EIF3K: variants seen among roughly 807,000 people sequenced by gnomAD.
EIF3K encodes the protein eIF-3 p28.
EIF3K carries 27 observed loss-of-function variants against 34.2 expected under a neutral mutation model. That is an observed-to-expected ratio of 0.79 (90% CI 0.58 to 1.09). EIF3K has a LOEUF of 1.09. Ranked by LOEUF, EIF3K falls within the 50% of genes least tolerant of loss-of-function variation. The probability of loss-of-function intolerance (pLI) is 0.00; values close to 1 mark genes in which losing one functional copy is unlikely to be tolerated. For missense variants in EIF3K, 232 were observed against 275.4 expected (o/e 0.84, Z 1.11); for synonymous variants, 105 against 105.7 (o/e 0.99, Z 0.04).
intron 6 of EIF3K, among the ~76,000 whole-genome samples, chr19:38,633,091 A>AGGTAGTGCAGAGGAGGAT (rs1443896938): frequency 6.6e-6 from 1 of 152,172 alleles, no homozygotes; most frequent in Non-Finnish European, 1.5e-5. Context: ...CCGTGGCCTG[A>AGGTAGTGCAGAGGAGGAT]GGTAGTGCAG....
At chr19:38,627,096 C>T (rs372504977) in intron 4 of EIF3K, among the ~76,000 whole-genome samples, 11 of 152,146 alleles carry the variant, frequency 7.2e-5, no homozygotes, top group Non-Finnish European at 1.6e-4. Flanking sequence ...AACTGATTCT[C>T]GTGCCTCAGC....
intron 4 of EIF3K, among the ~76,000 whole-genome samples, chr19:38,627,105 G>A (rs994117480): frequency 6.6e-6 from 1 of 152,120 alleles, no homozygotes; most frequent in Non-Finnish European, 1.5e-5. Context: ...TCGTGCCTCA[G>A]CCTCCTAAGT....
At chr19:38,625,984 C>G in intron 3 of EIF3K, 44 bp from the exon 4 acceptor site, 1 of 1,596,586 alleles carries the variant, frequency 6.3e-7, no homozygotes. Flanking sequence ...GGGGTCCAAC[C>G]TTACGCTCCG....
chr19:38,620,053 G>A (rs1363541004), intron 1 of EIF3K, among the ~76,000 whole-genome samples: 3 of 152,200 alleles, frequency 2.0e-5, no homozygotes, highest in African/African-American at 7.2e-5. Flanking sequence ...AGGAGGCCAG[G>A]TGTACAAGCT....
intron 6 of EIF3K, among the ~76,000 whole-genome samples, chr19:38,633,107 G>GATA (rs1976106673): frequency 6.6e-6 from 1 of 152,180 alleles, no homozygotes; most frequent in Non-Finnish European, 1.5e-5. Flanking sequence ...TGCAGAGGAG[G>GATA]ATAGTAGAGC....
chr19:38,625,971 T>A, intron 3 of EIF3K, 57 bp from the exon 4 acceptor site: 2 of 1,530,290 alleles, frequency 1.3e-6, no homozygotes, highest in Non-Finnish European at 1.8e-6. Context: ...GGAGGGGTGA[T>A]CTGGGGTCCA....
chr19:38,620,312 C>T, intron 1 of EIF3K, 25 bp from the exon 2 acceptor site: 2 of 1,605,434 alleles, frequency 1.2e-6, no homozygotes, highest in Non-Finnish European at 1.7e-6. Context: ...CTCCTCTGTG[C>T]TCACCTATCT....
At chr19:38,632,280 C>CT (rs1332489289) in intron 4 of EIF3K, 150 bp from the exon 5 acceptor site, 2 of 700,696 alleles carry the variant, frequency 2.9e-6, no homozygotes, top group Non-Finnish European at 4.8e-6. Context: ...AATCTTAGCA[C>CT]TTTGGGGGGC....
chr19:38,625,790 G>A (rs565496807), intron 3 of EIF3K, among the ~76,000 whole-genome samples: 2 of 152,324 alleles, frequency 1.3e-5, no homozygotes, highest in East Asian at 1.9e-4. Context: ...GATTACAGGC[G>A]TGAGCCACCA....
intron 2 of EIF3K, 46 bp downstream of exon 2, chr19:38,620,481 A>C (rs1568649592): frequency 6.5e-7 from 1 of 1,545,576 alleles, no homozygotes; most frequent in African/African-American, 1.4e-5. Context: ...AGCAACTAGC[A>C]GGGTGCCACT....
intron 4 of EIF3K, among the ~76,000 whole-genome samples, chr19:38,630,347 A>ATTTAATTTTTTT: frequency 8.0e-6 from 1 of 124,390 alleles, no homozygotes; most frequent in South Asian, 2.7e-4. Flanking sequence ...TTATTTATTT[A>ATTTAATTTTTTT]TTTTTTTTTT....
chr19:38,627,904 C>A (rs904459600), intron 4 of EIF3K, among the ~76,000 whole-genome samples: 1 of 136,888 alleles, frequency 7.3e-6, no homozygotes, highest in Non-Finnish European at 1.5e-5. Flanking sequence ...TATTTTCTTT[C>A]CTTTTTTTTT....
In EIF3K at chr19:38,635,349, C is replaced by T. The variant is rs141139417; in HGVS notation, c.625+231C>T. 88 of 579,458 alleles carry T rather than the reference C, an allele frequency of 1.5e-4. 1 individual carries two copies. In the East Asian group the frequency reaches 2.5e-3, roughly 16 times the overall value. 35.9% of individuals were successfully genotyped at this position (579,458 alleles called of 1,614,324 possible). A position where few individuals can be genotyped will look rare whatever the true frequency, so the allele number is the denominator to read the frequency against. ...AGGCCCTGTGTCCTGCCCCATAGCA[C>T]TCAGCAAGACTTCCTGGGGCCCAGC... On this transcript the variant is annotated intron_variant, in intron 7 of 7. Coordinates refer to ENST00000248342, the MANE Select transcript of EIF3K (RefSeq NM_013234.4).
At chr19:38,635,926 C>T (rs1054986947) in intron 7 of EIF3K, among the ~76,000 whole-genome samples, 5 of 152,224 alleles carry the variant, frequency 3.3e-5, no homozygotes, top group African/African-American at 4.8e-5. Flanking sequence ...CTCCCCCACC[C>T]GCTTGAGTGT....
At chr19:38,619,867 A>C (rs1198723353) in intron 1 of EIF3K, among the ~76,000 whole-genome samples, 1 of 152,216 alleles carries the variant, frequency 6.6e-6, no homozygotes, top group Non-Finnish European at 1.5e-5. Context: ...AAGGGAGACA[A>C]ACCTGACAGC....
chr19:38,636,877 C>G lies in EIF3K; in HGVS notation c.626-12C>G. 6.2e-7 allele frequency: 1 copy of G among 1,614,184 alleles called. No individual in the cohort carries two copies. Among genetic ancestry groups the G allele is most frequent in the South Asian group, 1.1e-5 (1 of 91,076 alleles). ...CCTTCTCACCTTCAGTCTGGTCTCT[C>G]CTTCCCCACAGGTGTGTCCAGCATC... On this transcript the variant is annotated splice_polypyrimidine_tract_variant and intron_variant, in intron 7 of 7. Coordinates refer to ENST00000248342, the MANE Select transcript of EIF3K (RefSeq NM_013234.4).
chr19:38,629,267 G>GTTTGTTTTGTTTTGTTTTGT (rs3033331), intron 4 of EIF3K, among the ~76,000 whole-genome samples: 3 of 148,832 alleles, frequency 2.0e-5, no homozygotes, highest in South Asian at 2.2e-4. Flanking sequence ...TTTTTTGTTT[G>GTTTGTTTTGTTTTGTTTTGT]TTTGTTTTGT....
Position 38,635,135 on chromosome 19 carries a change from G to A in EIF3K, c.625+17G>A, listed in dbSNP as rs778811036. On this transcript the variant is annotated intron_variant, in intron 7 of 7. Coordinates refer to ENST00000248342, the MANE Select transcript of EIF3K (RefSeq NM_013234.4). ...ACTTTGACAGTGAGTGGTGACCCAC[G>A]GCCTCGGGCTTTGGGGCTAAGGGGG... 31 of 1,613,950 alleles carry A rather than the reference G, an allele frequency of 1.9e-5. No individual in the cohort carries two copies. The highest frequency in any genetic ancestry group is 1.4e-4 in the South Asian group (13 of 91,030).
intron 2 of EIF3K, among the ~76,000 whole-genome samples, chr19:38,623,488 A>G (rs937882116): frequency 6.6e-6 from 1 of 152,132 alleles, no homozygotes; most frequent in Admixed American, 6.5e-5. Context: ...TATTTTTAGT[A>G]GAGACGGGGC....
Sources: gnomAD v4.1 joint callset for allele counts (sites outside exome capture counted in the v4.1 genomes callset) on GRCh38, gnomAD v4.1.1 for gene constraint, MANE v1.5 for transcripts, NCBI Gene and HGNC (gene_info 2026-07-23, HGNC 2026-07-21) for gene names.